UBAP2L: variants seen among roughly 807,000 people sequenced by gnomAD.
The protein encoded by UBAP2L is ubiquitin associated protein 2 like.
Under a neutral mutation model 130.6 loss-of-function variants are expected in UBAP2L, and 12 were observed. The observed-to-expected ratio is 0.09, with a 90% CI of 0.06 to 0.15. The LOEUF is 0.15. Ranked by LOEUF, UBAP2L falls within the 10% of genes least tolerant of loss-of-function variation. The pLI is 1.00. For missense variants in UBAP2L, 965 were observed against 1,332.5 expected (o/e 0.72, Z 4.29); for synonymous variants, 503 against 524.7 (o/e 0.96, Z 0.57).
chr1:154,271,127 C>T, downstream of UBAP2L: 1 of 612,230 alleles, frequency 1.6e-6, no homozygotes, highest in East Asian at 2.9e-5. Context: ...GAAACTGCTA[C>T]ATCTACAGCC....
chr1:154,269,353 C>A, intron 26 of UBAP2L: 1 of 1,328,708 alleles, frequency 7.5e-7, no homozygotes, highest in Non-Finnish European at 9.9e-7. Context: ...TATCCTGGTT[C>A]TGCCTCAGCT....
chr1:154,227,835 A>C (rs1458959914), intron 3 of UBAP2L, among the ~76,000 whole-genome samples: 1 of 152,116 alleles, frequency 6.6e-6, no homozygotes, highest in African/African-American at 2.4e-5. Flanking sequence ...GGTGTGAGCC[A>C]CTGCACCCAG....
intron 8 of UBAP2L, among the ~76,000 whole-genome samples, chr1:154,239,938 A>G (rs1368424832): frequency 6.6e-6 from 1 of 152,138 alleles, no homozygotes; most frequent in African/African-American, 2.4e-5. Flanking sequence ...CCCTGGTGCA[A>G]TTTTAATATT....
chr1:154,260,772 GGAATTGAACTT>G (rs1374913304), intron 22 of UBAP2L, 109 bp from the exon 23 acceptor site: 56 of 952,804 alleles, frequency 5.9e-5, no homozygotes, highest in African/African-American at 8.3e-5. Context: ...TGTAATTCAA[GGAATTGAACTT>G]TAATAGTCTT....
chr1:154,269,401 C>T lies in UBAP2L; in HGVS notation c.3168+447C>T, dbSNP rs1220261810. 6 of 1,311,904 alleles carry T rather than the reference C, an allele frequency of 4.6e-6. No individual in the cohort carries two copies. The South Asian group carries it at 7.4e-5, about 16-fold the overall frequency. The allele number at this position is 1,311,904 out of a possible 1,614,324, so 81.3% of individuals were successfully genotyped here. A position where few individuals can be genotyped will look rare whatever the true frequency, so the allele number is the denominator to read the frequency against. ...GATGATTCTCTGTTGCCAGCGCCAGCAGGAGGAGCAGGTAATGAAATTGAA... is the reference window on the plus strand; with the variant it reads ...GATGATTCTCTGTTGCCAGCGCCAGTAGGAGGAGCAGGTAATGAAATTGAA... On this transcript the variant is annotated intron_variant, in intron 26 of 26. Coordinates refer to ENST00000428931, the MANE Select transcript of UBAP2L (RefSeq NM_014847.4).
At chr1:154,266,615 G>A (rs747061885) in intron 25 of UBAP2L, 47 bp downstream of exon 25, 1 of 1,589,138 alleles carries the variant, frequency 6.3e-7, no homozygotes, top group Admixed American at 1.7e-5. Flanking sequence ...TAGACATAGA[G>A]GAGGTGGAGT....
At position 154,235,447 on chromosome 1, in the gene UBAP2L, G is replaced by A. The variant is rs1045099855; in HGVS notation, c.544+156G>A. ...AGCTCACTGCAGCCTCAGACTCCTG[G>A]GCTCAAGTGATCCTCCTGCCTCAGC... On this transcript the variant is annotated intron_variant, in intron 6 of 26. Coordinates refer to ENST00000428931, the MANE Select transcript of UBAP2L (RefSeq NM_014847.4). Among the ~76,000 whole-genome samples the A allele has an allele frequency of 2.6e-5, 4 of 152,172 alleles. No individual in the cohort carries two copies. The South Asian group carries it at 8.3e-4, about 32-fold the overall frequency.
Position 154,246,186 on chromosome 1 carries a change from C to T in UBAP2L, c.843-18C>T. 7 of 1,589,038 alleles carry T rather than the reference C, an allele frequency of 4.4e-6. No individual in the cohort carries two copies. The highest frequency in any genetic ancestry group is 6.0e-6 in the Non-Finnish European group (7 of 1,161,446). ...TGTTCAGTCATTCTTCATGAAGATC[C>T]CTTCCCTTCCCCATTAGAATTGACC... On this transcript the variant is annotated intron_variant, in intron 10 of 26. Transcript: ENST00000428931.
At chr1:154,266,713 T>A in intron 25 of UBAP2L, 145 bp downstream of exon 25, 1 of 815,320 alleles carries the variant, frequency 1.2e-6, no homozygotes, top group Non-Finnish European at 2.0e-6. Flanking sequence ...AAAGGTCTTC[T>A]CTAGACTTCA....
At chr1:154,227,220 G>C (rs1475931049) in intron 2 of UBAP2L, 62 bp from the exon 3 acceptor site, 3 of 1,448,440 alleles carry the variant, frequency 2.1e-6, no homozygotes, top group Non-Finnish European at 2.9e-6. Context: ...GACGAAATAG[G>C]TTCCTGTTCT....
intron 21 of UBAP2L, 165 bp from the exon 22 acceptor site, chr1:154,259,783 T>TA (rs1680931166): frequency 1.3e-6 from 1 of 799,442 alleles, no homozygotes; most frequent in Admixed American, 1.7e-5. Flanking sequence ...GGGGACAGTG[T>TA]ATGCAAGAGT....
At chr1:154,254,525 AATCACTGG>A in intron 15 of UBAP2L, 1 of 482,230 alleles carries the variant, frequency 2.1e-6, no homozygotes, top group Non-Finnish European at 3.6e-6. Context: ...CTTCCCCAAA[AATCACTGG>A]ATGTGGACTT....
chr1:154,243,586 G>A (rs563845672), intron 10 of UBAP2L, among the ~76,000 whole-genome samples: 7 of 152,038 alleles, frequency 4.6e-5, no homozygotes, highest in South Asian at 2.1e-4. Flanking sequence ...TCAGTCTCCC[G>A]AGTAGCTGGG....
chr1:154,231,939 G>A (rs1442522128), intron 4 of UBAP2L, among the ~76,000 whole-genome samples: 1 of 152,044 alleles, frequency 6.6e-6, no homozygotes, highest in Non-Finnish European at 1.5e-5. Context: ...TAATAATTTT[G>A]TATTATCTAA....
chr1:154,245,646 T>G (rs1675188383), intron 10 of UBAP2L, among the ~76,000 whole-genome samples: 2 of 152,114 alleles, frequency 1.3e-5, no homozygotes, highest in Non-Finnish European at 2.9e-5. Flanking sequence ...TGCGGTGCGG[T>G]GGCTAACGCC....
chr1:154,234,904 A>T, intron 5 of UBAP2L, 145 bp downstream of exon 5: 1 of 1,103,640 alleles, frequency 9.1e-7, no homozygotes, highest in Non-Finnish European at 1.3e-6. Flanking sequence ...AGACCTTGAC[A>T]TCTCTTGCAT....
Position 154,228,693 on chromosome 1 carries a change from A to G in UBAP2L, c.247A>G (p.Ile83Val). The G allele has an allele frequency of 6.2e-7, 1 of 1,613,228 alleles. No homozygotes were observed. The highest frequency in any genetic ancestry group is 8.5e-7 in the Non-Finnish European group (1 of 1,179,774). ...HDCNGDVNRA[I>V]NVLLEGNPDT... is the part of the protein sequence containing the mutation. ...CTGCAATGGAGATGTCAACAGAGCT[A>G]TCAATGTTCTTCTGGAAGGAAACCC... The change falls in exon 4 of 27, where the codon ATC becomes GTC. Residue 83 changes from isoleucine to valine, a missense_variant. By Grantham distance (29) the Ile-to-Val change is conservative. Around this residue, in one of 9 missense-constraint regions of UBAP2L, gnomAD observed 34 missense variants for 101.4 expected, o/e 0.34. Coordinates refer to ENST00000428931, the MANE Select transcript of UBAP2L (RefSeq NM_014847.4).
intron 21 of UBAP2L, 196 bp from the exon 22 acceptor site, chr1:154,259,752 C>T (rs1447355151): frequency 9.5e-6 from 7 of 740,004 alleles, no homozygotes; most frequent in Non-Finnish European, 1.7e-5. Context: ...CCTTGTCTGA[C>T]TGTGCTCATG....
intron 4 of UBAP2L, among the ~76,000 whole-genome samples, chr1:154,231,233 TCC>T (rs1437396338): frequency 6.6e-6 from 1 of 150,896 alleles, no homozygotes; most frequent in Non-Finnish European, 1.5e-5. Context: ...CAAGCAATCC[TCC>T]CACCTCAGCC....
Sources: gnomAD v4.1 joint callset for allele counts (sites outside exome capture counted in the v4.1 genomes callset) on GRCh38, gnomAD v4.1.1 for gene constraint, gnomAD v4.1.1 regional missense constraint, MANE v1.5 for transcripts, NCBI Gene and HGNC (gene_info 2026-07-23, HGNC 2026-07-21) for gene names.